Variants in IGSF21 observed in about 807,000 individuals in gnomAD.
The protein encoded by IGSF21 is immunoglobulin superfamily member 21.
IGSF21 carries 28 observed loss-of-function variants against 46.8 expected under a neutral mutation model. The observed-to-expected ratio is 0.60, with a 90% CI of 0.44 to 0.82. The LOEUF is 0.82. IGSF21 is among the 40% of genes least tolerant of loss of function. The pLI, the probability that IGSF21 is intolerant of heterozygous loss-of-function variation, is 0.00. For synonymous variants in IGSF21, 284 were observed against 273.6 expected (o/e 1.04, Z -0.38); for missense variants, 624 against 665.5 (o/e 0.94, Z 0.69).
intron 1 of IGSF21, among the ~76,000 whole-genome samples, chr1:18,225,391 C>T (rs949547095): frequency 6.6e-6 from 1 of 152,032 alleles, no homozygotes; most frequent in Admixed American, 6.5e-5. Context: ...AACCACTCCC[C>T]TACTTGCCCT....
intron 1 of IGSF21, among the ~76,000 whole-genome samples, chr1:18,189,203 A>T (rs1371859344): frequency 6.6e-6 from 1 of 152,224 alleles, no homozygotes; most frequent in Non-Finnish European, 1.5e-5. Context: ...TTTGGGGCAA[A>T]CATCCCCTTC....
intron 1 of IGSF21, among the ~76,000 whole-genome samples, chr1:18,227,221 A>T (rs2124506055): frequency 6.6e-6 from 1 of 152,262 alleles, no homozygotes. Context: ...GTGTGGTGGG[A>T]AAGCCAATGG....
At chr1:18,197,005 C>T (rs2087015987) in intron 1 of IGSF21, among the ~76,000 whole-genome samples, 1 of 152,288 alleles carries the variant, frequency 6.6e-6, no homozygotes, top group Admixed American at 6.5e-5. Flanking sequence ...TTCTAATCGG[C>T]CCGGCTGCTG....
intron 1 of IGSF21, among the ~76,000 whole-genome samples, chr1:18,160,925 G>C (rs952301767): frequency 6.6e-6 from 1 of 152,144 alleles, no homozygotes; most frequent in African/African-American, 2.4e-5. Context: ...GACTTGGCCT[G>C]CTCGAGATGG....
chr1:18,363,210 G>A (rs188220111), intron 5 of IGSF21, among the ~76,000 whole-genome samples: 2 of 152,210 alleles, frequency 1.3e-5, no homozygotes, highest in African/African-American at 4.8e-5. Context: ...TCTTGATCCT[G>A]TGAGTTTCGC....
intron 3 of IGSF21, among the ~76,000 whole-genome samples, chr1:18,306,639 G>A (rs908146884): frequency 4.6e-5 from 7 of 152,128 alleles, no homozygotes; most frequent in African/African-American, 1.4e-4. Context: ...TTTCATATAC[G>A]GATAAGCGAA....
chr1:18,119,863 A>T (rs2086219430), intron 1 of IGSF21, among the ~76,000 whole-genome samples: 1 of 151,984 alleles, frequency 6.6e-6, no homozygotes, highest in Non-Finnish European at 1.5e-5. Context: ...TCCCTCTTTT[A>T]AAAAAATGGC....
rs150465760 is a variant in IGSF21 at position 18,270,727 on chromosome 1, C to A, written c.184-21139C>A. 4.7e-4 allele frequency among the ~76,000 whole-genome samples: 71 copies of A among 152,280 alleles called. 1 individual carries two copies. In the East Asian group the frequency reaches 0.011, roughly 23 times the overall value. Reference sequence around the variant, plus strand: ...CTTCCTGCCCTTCGTGCAGACCCCACCAGTGGAGGGGTGTTCTTCAGCCTC... The same window carrying A: ...CTTCCTGCCCTTCGTGCAGACCCCAACAGTGGAGGGGTGTTCTTCAGCCTC... On this transcript the variant is annotated intron_variant, in intron 2 of 9. Coordinates refer to ENST00000251296, the MANE Select transcript of IGSF21 (RefSeq NM_032880.5).
At chr1:18,296,422 T>G (rs1292364859) in intron 3 of IGSF21, among the ~76,000 whole-genome samples, 2 of 152,106 alleles carry the variant, frequency 1.3e-5, no homozygotes, top group Non-Finnish European at 2.9e-5. Flanking sequence ...TTTGCTGGGT[T>G]GGATGAAGGG....
rs771462977 is a variant in IGSF21 at position 18,376,967 on chromosome 1, C to T, written c.1269C>T (p.Asp423=). 3.1e-6 allele frequency: 5 copies of T among 1,596,968 alleles called. No homozygotes were observed. The highest frequency in any genetic ancestry group is 1.7e-4 in the Middle Eastern group (1 of 6,010). Residue 423 remains aspartate (D), a synonymous_variant, in exon 8 of 10, where the codon GAC becomes GAT. Transcript: ENST00000251296. Reference sequence around the variant, plus strand: ...CCCAGAACCCACTGGGCTCCACCGACACGCACACCCGGCTCATCGTGTTTG... The same window carrying T: ...CCCAGAACCCACTGGGCTCCACCGATACGCACACCCGGCTCATCGTGTTTG... ...CTAQNPLGST[D]THTRLIVFEN... is the part of the protein sequence containing the mutation.
chr1:18,225,077 TCTCTCTCTCA>T (rs1293922301), intron 1 of IGSF21, among the ~76,000 whole-genome samples: 88 of 38,814 alleles, frequency 2.3e-3, no homozygotes, highest in African/African-American at 3.7e-3. Context: ...TCTCTCTCTC[TCTCTCTCTCA>T]CACACACACA....
rs554764544 is a variant in IGSF21, at chr1:18,123,188, G to A, written c.70+14990G>A. The stretch of plus-strand genomic sequence containing the variant: ...ATCCCATTCTAAGATTATTCGATGG[G>A]CAATAGGATTTAGAAGGAACACCCC... On this transcript the variant is annotated intron_variant, in intron 1 of 9. Transcript: ENST00000251296. Among the ~76,000 whole-genome samples the A allele has an allele frequency of 2.0e-5, 3 of 152,266 alleles. No individual in the cohort carries two copies. In the East Asian group the frequency reaches 5.8e-4, roughly 29 times the overall value.
chr1:18,167,996 CT>C (rs975042638), intron 1 of IGSF21, among the ~76,000 whole-genome samples: 1 of 152,118 alleles, frequency 6.6e-6, no homozygotes, highest in Non-Finnish European at 1.5e-5. Context: ...ACCTGCTCTC[CT>C]TTTAATGACC....
In IGSF21 at chr1:18,108,095, G is replaced by C. The variant is rs1213037759; in HGVS notation, c.-34G>C. 1.8e-6 allele frequency: 2 copies of C among 1,095,170 alleles called. No individual in the cohort carries two copies. Among genetic ancestry groups the C allele is most frequent in the Non-Finnish European group, 2.5e-6 (2 of 813,742 alleles). The allele number at this position is 1,095,170 out of a possible 1,614,324, so 67.8% of individuals were successfully genotyped here. A position where few individuals can be genotyped will look rare whatever the true frequency, so the allele number is the denominator to read the frequency against. On this transcript the variant is annotated 5_prime_UTR_variant, in exon 1 of 10. Coordinates refer to ENST00000251296, the MANE Select transcript of IGSF21 (RefSeq NM_032880.5). ...ACCCGCCGCCACCGCCTCCACCCCC[G>C]CCGCCCCGCCACCGCCGCCAGCTCC...
intron 1 of IGSF21, among the ~76,000 whole-genome samples, chr1:18,155,097 A>AG (rs964460660): frequency 6.6e-6 from 1 of 151,622 alleles, no homozygotes; most frequent in Non-Finnish European, 1.5e-5. Context: ...TGTAGATTCT[A>AG]GCCAGTCACA....
intron 2 of IGSF21, among the ~76,000 whole-genome samples, chr1:18,238,951 C>T (rs966776585): frequency 2.0e-5 from 3 of 152,154 alleles, no homozygotes; most frequent in African/African-American, 7.2e-5. Flanking sequence ...TCAACCTCCC[C>T]ACCCCGCTAT....
At chr1:18,367,664 G>A (rs560459475) in intron 6 of IGSF21, among the ~76,000 whole-genome samples, 134 of 137,140 alleles carry the variant, frequency 9.8e-4, no homozygotes, top group Non-Finnish European at 1.5e-3. Flanking sequence ...CTGGAGTGCA[G>A]TGGGTGATCT....
intron 2 of IGSF21, among the ~76,000 whole-genome samples, chr1:18,254,447 A>C (rs895723370): frequency 6.6e-6 from 1 of 152,184 alleles, no homozygotes; most frequent in South Asian, 2.1e-4. Context: ...CCCTAACCCT[A>C]GAGTTAGATT....
At position 18,259,042 on chromosome 1, in the gene IGSF21, A is replaced by C. The variant is rs192762343; in HGVS notation, c.183+31032A>C. Among the ~76,000 whole-genome samples the C allele has an allele frequency of 7.9e-4, 121 of 152,300 alleles. No homozygotes were observed. In the South Asian group the frequency reaches 9.3e-3, roughly 12 times the overall value. ...TTGAAAGCAGGCAAAACACAAATAC[A>C]TATTGAAAGAAATTAAATGGGTTTG... On this transcript the variant is annotated intron_variant, in intron 2 of 9. Transcript: ENST00000251296.
Sources: gnomAD v4.1 joint callset for allele counts (sites outside exome capture counted in the v4.1 genomes callset) on GRCh38, gnomAD v4.1.1 for gene constraint, MANE v1.5 for transcripts, NCBI Gene and HGNC (gene_info 2026-07-23, HGNC 2026-07-21) for gene names.